DNM3: variants seen among roughly 807,000 people sequenced by gnomAD.
The protein encoded by DNM3 is dynamin-3.
DNM3 carries 47 observed loss-of-function variants against 101.6 expected under a neutral mutation model. The ratio of observed to expected loss-of-function variants is 0.46; its 90% CI spans 0.37 to 0.59. DNM3 has a LOEUF of 0.59. DNM3 is among the 20% of genes least tolerant of loss of function. The pLI is 0.00. For missense variants in DNM3, 849 were observed against 1,085.7 expected (o/e 0.78, Z 3.06); for synonymous variants, 385 against 387.9 (o/e 0.99, Z 0.09).
intron 15 of DNM3, among the ~76,000 whole-genome samples, chr1:172,308,403 A>C (rs895848573): frequency 2.0e-5 from 3 of 152,222 alleles, no homozygotes; most frequent in African/African-American, 7.2e-5. Context: ...GCGGCTGAGC[A>C]ATAGCAATTC....
chr1:171,962,859 T>C (rs1343700387), intron 2 of DNM3, among the ~76,000 whole-genome samples: 1 of 152,158 alleles, frequency 6.6e-6, no homozygotes, highest in East Asian at 1.9e-4. Flanking sequence ...CCTATCAGAA[T>C]GGTGAAAACC....
intron 15 of DNM3, among the ~76,000 whole-genome samples, chr1:172,278,359 T>A (rs1339956556): frequency 6.8e-6 from 1 of 148,096 alleles, no homozygotes; most frequent in African/African-American, 2.6e-5. Context: ...CTGGCCACAT[T>A]GGAAGAAGAA....
intron 14 of DNM3, among the ~76,000 whole-genome samples, chr1:172,208,573 TC>T (rs1409951070): frequency 6.6e-6 from 1 of 152,088 alleles, no homozygotes; most frequent in Non-Finnish European, 1.5e-5. Context: ...CGGCTTTTCA[TC>T]CTTTTGTGCA....
At chr1:172,329,005 G>A (rs547050416) in intron 17 of DNM3, among the ~76,000 whole-genome samples, 33 of 151,940 alleles carry the variant, frequency 2.2e-4, no homozygotes, top group Non-Finnish European at 4.3e-4. Flanking sequence ...CTTGTGATAA[G>A]CATTGTTTTG....
intron 2 of DNM3, among the ~76,000 whole-genome samples, chr1:171,977,419 A>C (rs529400951): frequency 6.6e-6 from 1 of 152,374 alleles, no homozygotes; most frequent in South Asian, 2.1e-4. Context: ...AGAAGTGACA[A>C]CTGTAAACTT....
chr1:171,982,241 T>G (rs2044855430), intron 2 of DNM3, among the ~76,000 whole-genome samples: 1 of 152,152 alleles, frequency 6.6e-6, no homozygotes, highest in Admixed American at 6.5e-5. Flanking sequence ...AAGACACACA[T>G]TTAGCAGCTA....
intron 14 of DNM3, among the ~76,000 whole-genome samples, chr1:172,227,554 A>T (rs1445876104): frequency 6.6e-6 from 1 of 152,130 alleles, no homozygotes; most frequent in South Asian, 2.1e-4. Flanking sequence ...CCAGCAGTGT[A>T]TAAGTGTTTC....
At chr1:172,157,612 A>T (rs2058388503) in intron 14 of DNM3, among the ~76,000 whole-genome samples, 1 of 152,050 alleles carries the variant, frequency 6.6e-6, no homozygotes, top group Admixed American at 6.6e-5. Flanking sequence ...ATTTGAAAAA[A>T]ATTGGGTCTG....
intron 1 of DNM3, among the ~76,000 whole-genome samples, chr1:171,908,694 T>C (rs1467823567): frequency 6.6e-6 from 1 of 152,176 alleles, no homozygotes; most frequent in East Asian, 1.9e-4. Flanking sequence ...ACATAGCTTA[T>C]TGTACATTTG....
chr1:172,106,512 G>T (rs1054372777), intron 13 of DNM3, among the ~76,000 whole-genome samples: 6 of 152,086 alleles, frequency 3.9e-5, no homozygotes, highest in African/African-American at 1.4e-4. Context: ...CCTAGGTGAT[G>T]AAATAATCTA....
intron 1 of DNM3, among the ~76,000 whole-genome samples, chr1:171,877,180 TC>T (rs2035861158): frequency 6.6e-6 from 1 of 152,186 alleles, no homozygotes; most frequent in Non-Finnish European, 1.5e-5. Flanking sequence ...ATTTTAGCCA[TC>T]CTCCCCTCCC....
At chr1:172,351,718 T>A (rs1254541115) in intron 17 of DNM3, among the ~76,000 whole-genome samples, 1 of 152,200 alleles carries the variant, frequency 6.6e-6, no homozygotes, top group East Asian at 1.9e-4. Context: ...GAAAACAGAC[T>A]TCTACCCAAC....
chr1:172,280,815 A>G (rs945406391), intron 15 of DNM3, among the ~76,000 whole-genome samples: 1 of 152,208 alleles, frequency 6.6e-6, no homozygotes, highest in Non-Finnish European at 1.5e-5. Flanking sequence ...AAATACACAC[A>G]TGCATGCATA....
intron 14 of DNM3, among the ~76,000 whole-genome samples, chr1:172,181,506 G>A (rs927361108): frequency 5.9e-5 from 9 of 151,784 alleles, no homozygotes; most frequent in Non-Finnish European, 8.8e-5. Flanking sequence ...TATGCATAAC[G>A]TCAATGCCTG....
At chr1:172,241,822 T>A (rs1176660644) in intron 14 of DNM3, among the ~76,000 whole-genome samples, 1 of 152,128 alleles carries the variant, frequency 6.6e-6, no homozygotes, top group East Asian at 1.9e-4. Context: ...TGAAACAAAG[T>A]CTGGCATGAC....
At chr1:171,966,463 G>A (rs905699491) in intron 2 of DNM3, among the ~76,000 whole-genome samples, 7 of 152,128 alleles carry the variant, frequency 4.6e-5, no homozygotes, top group Non-Finnish European at 1.0e-4. Flanking sequence ...AGTGTTAAGG[G>A]GGCTTGTCAT....
chr1:172,069,782 T>G (rs905474702), intron 11 of DNM3, among the ~76,000 whole-genome samples: 1 of 152,248 alleles, frequency 6.6e-6, no homozygotes, highest in Non-Finnish European at 1.5e-5. Context: ...TGTTTTCTCA[T>G]GTACAGCATT....
intron 13 of DNM3, among the ~76,000 whole-genome samples, chr1:172,113,620 CAAAA>C (rs34129992): frequency 1.9e-5 from 1 of 52,356 alleles, no homozygotes; most frequent in African/African-American, 6.3e-5. Flanking sequence ...AACTCTGTCT[CAAAA>C]AAAAAAAAAA....
At chr1:172,170,706 C>G (rs1442658142) in intron 14 of DNM3, among the ~76,000 whole-genome samples, 2 of 151,714 alleles carry the variant, frequency 1.3e-5, no homozygotes, top group Non-Finnish European at 2.9e-5. Flanking sequence ...ACTGAAGGAG[C>G]CAGGGAGCAT....
Sources: gnomAD v4.1 joint callset for allele counts (sites outside exome capture counted in the v4.1 genomes callset) on GRCh38, gnomAD v4.1.1 for gene constraint, MANE v1.5 for transcripts, NCBI Gene and HGNC (gene_info 2026-07-23, HGNC 2026-07-21) for gene names.